The following LRRTM4 variants were observed in gnomAD, a reference collection of about 807,000 sequenced individuals.
The protein encoded by LRRTM4 is leucine rich repeat transmembrane neuronal 4.
Under a neutral mutation model 47.6 loss-of-function variants are expected in LRRTM4, and 25 were observed. That is an observed-to-expected ratio of 0.53 (90% confidence interval 0.38 to 0.73). LRRTM4 has a LOEUF of 0.73. Among genes scored for constraint, LRRTM4 ranks in the 30% least tolerant of loss-of-function variants. The probability of loss-of-function intolerance (pLI) is 0.00; values close to 1 mark genes in which losing one functional copy is unlikely to be tolerated. For missense variants in LRRTM4, 638 were observed against 713.4 expected (o/e 0.89, Z 1.20); for synonymous variants, 311 against 269.5 (o/e 1.15, Z -1.51).
chr2:76,884,961 G>C (rs1046310188), intron 3 of LRRTM4, among the ~76,000 whole-genome samples: 11 of 151,926 alleles, frequency 7.2e-5, no homozygotes, highest in African/African-American at 2.4e-4. Flanking sequence ...CTGAAAAAAA[G>C]CTTGCAATAT....
intron 3 of LRRTM4, among the ~76,000 whole-genome samples, chr2:76,997,387 C>T (rs183776721): frequency 4.6e-5 from 7 of 151,530 alleles, no homozygotes; most frequent in African/African-American, 1.7e-4. Context: ...CTCTTATTTG[C>T]CTTAGTTTGT....
At chr2:77,191,623 C>T (rs1474350659) in intron 3 of LRRTM4, among the ~76,000 whole-genome samples, 2 of 151,490 alleles carry the variant, frequency 1.3e-5, no homozygotes, top group Non-Finnish European at 2.9e-5. Flanking sequence ...ACTATATATG[C>T]TAAATTAAAG....
chr2:76,893,327 G>A (rs926794710), intron 3 of LRRTM4, among the ~76,000 whole-genome samples: 11 of 151,574 alleles, frequency 7.3e-5, no homozygotes, highest in Non-Finnish European at 1.3e-4. Context: ...CAAGAAAGGG[G>A]TGTTTTGTAA....
At chr2:77,031,709 A>G (rs142754429) in intron 3 of LRRTM4, among the ~76,000 whole-genome samples, 165 of 147,140 alleles carry the variant, frequency 1.1e-3, no homozygotes, top group African/African-American at 3.5e-3. Context: ...AATAATGAAC[A>G]CCATGTGATC....
At chr2:77,031,173 C>T (rs964547759) in intron 3 of LRRTM4, among the ~76,000 whole-genome samples, 6 of 151,976 alleles carry the variant, frequency 3.9e-5, no homozygotes, top group African/African-American at 1.4e-4. Flanking sequence ...TCTACATTTG[C>T]CATTTATTTT....
intron 3 of LRRTM4, among the ~76,000 whole-genome samples, chr2:76,955,956 A>G (rs906316521): frequency 2.0e-5 from 3 of 151,562 alleles, no homozygotes; most frequent in African/African-American, 7.3e-5. Flanking sequence ...TGGCAAAAGT[A>G]AATTATTACT....
At chr2:77,420,379 G>A (rs1011676657) in intron 3 of LRRTM4, among the ~76,000 whole-genome samples, 2 of 152,136 alleles carry the variant, frequency 1.3e-5, no homozygotes, top group Non-Finnish European at 2.9e-5. Flanking sequence ...TTGAGTCACT[G>A]TGTCCAGCCC....
intron 3 of LRRTM4, among the ~76,000 whole-genome samples, chr2:77,430,545 A>C (rs938292497): frequency 6.6e-6 from 1 of 151,542 alleles, no homozygotes; most frequent in Non-Finnish European, 1.5e-5. Context: ...AACACGGAGA[A>C]ACCCTGTCTC....
At chr2:77,058,329 G>T (rs1679673775) in intron 3 of LRRTM4, among the ~76,000 whole-genome samples, 1 of 152,164 alleles carries the variant, frequency 6.6e-6, no homozygotes. Flanking sequence ...AGGTCAGTGT[G>T]TAACAGCTAG....
intron 3 of LRRTM4, among the ~76,000 whole-genome samples, chr2:77,201,914 G>C (rs557185022): frequency 2.0e-5 from 3 of 152,174 alleles, no homozygotes; most frequent in African/African-American, 7.2e-5. Flanking sequence ...TGCTATTTCA[G>C]ATCTGTCATA....
At chr2:77,082,881 AT>A (rs1397625919) in intron 3 of LRRTM4, among the ~76,000 whole-genome samples, 2 of 152,096 alleles carry the variant, frequency 1.3e-5, no homozygotes, top group African/African-American at 4.8e-5. Context: ...CTATTTAATC[AT>A]TTTTATAACA....
chr2:77,506,782 G>T (rs547836616), intron 3 of LRRTM4, among the ~76,000 whole-genome samples: 1 of 151,710 alleles, frequency 6.6e-6, no homozygotes, highest in East Asian at 1.9e-4. Flanking sequence ...TTTTTGTGAC[G>T]GTGAAATGAA....
intron 3 of LRRTM4, among the ~76,000 whole-genome samples, chr2:76,931,854 T>C (rs753827211): frequency 6.6e-6 from 1 of 152,132 alleles, no homozygotes; most frequent in Non-Finnish European, 1.5e-5. Context: ...TCGTGATTAA[T>C]TAGAACCCTA....
At chr2:76,954,482 A>G (rs1675604336) in intron 3 of LRRTM4, among the ~76,000 whole-genome samples, 1 of 151,208 alleles carries the variant, frequency 6.6e-6, no homozygotes, top group Non-Finnish European at 1.5e-5. Flanking sequence ...AGGTCATTTG[A>G]AATTATCCAG....
At chr2:77,287,771 G>A (rs950864933) in intron 3 of LRRTM4, among the ~76,000 whole-genome samples, 2 of 152,044 alleles carry the variant, frequency 1.3e-5, no homozygotes, top group Non-Finnish European at 2.9e-5. Flanking sequence ...CTTACAATTA[G>A]CTTCTGTGGC....
intron 3 of LRRTM4, among the ~76,000 whole-genome samples, chr2:77,056,539 A>T (rs191917994): frequency 6.6e-6 from 1 of 152,258 alleles, no homozygotes; most frequent in Admixed American, 6.5e-5. Context: ...AAAAGGATAA[A>T]GAGATGAAAG....
chr2:76,778,524 G>C (rs374590115), intron 3 of LRRTM4, among the ~76,000 whole-genome samples: 2,608 of 147,942 alleles, frequency 0.018, 96 homozygotes, highest in African/African-American at 0.063. Flanking sequence ...TCCATTTCTT[G>C]TAGATTTTCT....
At chr2:76,795,076 T>G (rs1434029633) in intron 3 of LRRTM4, among the ~76,000 whole-genome samples, 1 of 152,260 alleles carries the variant, frequency 6.6e-6, no homozygotes, top group East Asian at 1.9e-4. Context: ...AAAAATACCT[T>G]TAACATAGAC....
chr2:77,136,880 T>C (rs999071883), intron 3 of LRRTM4, among the ~76,000 whole-genome samples: 3 of 151,820 alleles, frequency 2.0e-5, no homozygotes, highest in South Asian at 2.1e-4. Flanking sequence ...GTATGAGTGA[T>C]TGAAGATCAA....
Sources: gnomAD v4.1 joint callset for allele counts (sites outside exome capture counted in the v4.1 genomes callset) on GRCh38, gnomAD v4.1.1 for gene constraint, MANE v1.5 for transcripts, NCBI Gene and HGNC (gene_info 2026-07-23, HGNC 2026-07-21) for gene names.